ZNF521: variants seen among roughly 807,000 people sequenced by gnomAD.
ZNF521 encodes the protein LYST-interacting protein 3.
A neutral mutation model predicts 105.5 loss-of-function variants in ZNF521; 14 were observed. That is an observed-to-expected ratio of 0.13 (90% CI 0.09 to 0.21). The LOEUF (loss-of-function observed/expected upper bound fraction) is 0.21. ZNF521 is among the 10% of genes least tolerant of loss of function. The pLI, the probability that ZNF521 is intolerant of heterozygous loss-of-function variation, is 1.00. For synonymous variants in ZNF521, 635 were observed against 606.0 expected (o/e 1.05, Z -0.70); for missense variants, 1,233 against 1,629.7 (o/e 0.76, Z 4.19).
intron 5 of ZNF521, 108 bp downstream of exon 5, chr18:25,195,052 G>A (rs995376717): frequency 4.9e-5 from 45 of 909,276 alleles, no homozygotes; most frequent in Non-Finnish European, 7.1e-5. Context: ...TCATGCCGAG[G>A]AAAAACAATG....
chr18:25,292,369 A>C (rs997264401), intron 3 of ZNF521, among the ~76,000 whole-genome samples: 4 of 152,204 alleles, frequency 2.6e-5, no homozygotes, highest in African/African-American at 9.6e-5. Flanking sequence ...CTGCACTTAC[A>C]TTTCACATGA....
chr18:25,206,147 G>T (rs2036075778), intron 4 of ZNF521, among the ~76,000 whole-genome samples: 1 of 152,052 alleles, frequency 6.6e-6, no homozygotes, highest in Admixed American at 6.6e-5. Context: ...AAGACTACAG[G>T]CATGAGCTAC....
Position 25,062,509 on chromosome 18 carries a change from T to C in ZNF521, c.*203A>G, listed in dbSNP as rs1261060161. 6.4e-6 allele frequency: 4 copies of C among 623,254 alleles called. No individual in the cohort carries two copies. Among genetic ancestry groups the C allele is most frequent in the African/African-American group, 5.8e-5 (3 of 52,034 alleles). The allele number at this position is 623,254 out of a possible 1,614,324, so 38.6% of individuals were successfully genotyped here. On this transcript the variant is annotated 3_prime_UTR_variant, in exon 8 of 8. Coordinates refer to ENST00000361524, the MANE Select transcript of ZNF521 (RefSeq NM_015461.3). ...TTAGTATCAGACGACATAATACATG[T>C]GCAACACTTTATATACAAGGGGTCT...
chr18:25,146,944 G>C (rs532115131), intron 5 of ZNF521, among the ~76,000 whole-genome samples: 9 of 152,138 alleles, frequency 5.9e-5, no homozygotes, highest in South Asian at 2.1e-4. Context: ...AAACAAAACT[G>C]GATGCTCAAA....
At chr18:25,166,800 T>C (rs922758708) in intron 5 of ZNF521, among the ~76,000 whole-genome samples, 1 of 152,188 alleles carries the variant, frequency 6.6e-6, no homozygotes, top group Admixed American at 6.6e-5. Flanking sequence ...GCCACATATT[T>C]AAATATTGAT....
At chr18:25,087,497 T>C (rs540644337) in intron 7 of ZNF521, among the ~76,000 whole-genome samples, 1 of 152,308 alleles carries the variant, frequency 6.6e-6, no homozygotes, top group South Asian at 2.1e-4. Context: ...TCAAGAACAC[T>C]AGGTAGGAAT....
chr18:25,217,676 T>C (rs1393050004), intron 4 of ZNF521, among the ~76,000 whole-genome samples: 4 of 152,246 alleles, frequency 2.6e-5, no homozygotes, highest in Non-Finnish European at 4.4e-5. Flanking sequence ...GTGAGGCCTT[T>C]GCCTAATATG....
chr18:25,093,702 A>G (rs1600009134), intron 5 of ZNF521, among the ~76,000 whole-genome samples: 1 of 152,108 alleles, frequency 6.6e-6, no homozygotes, highest in Non-Finnish European at 1.5e-5. Context: ...ATAAAAACCT[A>G]CTCTGTATCT....
intron 5 of ZNF521, among the ~76,000 whole-genome samples, chr18:25,143,929 AT>A (rs1265291876): frequency 1.3e-5 from 2 of 152,228 alleles, no homozygotes; most frequent in Non-Finnish European, 2.9e-5. Context: ...AATTACAAGA[AT>A]GATGCTAACT....
At chr18:25,296,405 A>T (rs1911320664) in intron 3 of ZNF521, among the ~76,000 whole-genome samples, 1 of 152,186 alleles carries the variant, frequency 6.6e-6, no homozygotes, top group African/African-American at 2.4e-5. Context: ...TGCAAGTAGT[A>T]TATATACTAT....
intron 6 of ZNF521, 46 bp downstream of exon 6, chr18:25,091,904 T>C (rs972781966): frequency 2.5e-6 from 4 of 1,603,632 alleles, no homozygotes; most frequent in South Asian, 2.2e-5. Context: ...AAAGACATGA[T>C]GTGGCCATCA....
At chr18:25,222,718 T>C (rs1905813682) in intron 4 of ZNF521, among the ~76,000 whole-genome samples, 1 of 152,256 alleles carries the variant, frequency 6.6e-6, no homozygotes, top group Non-Finnish European at 1.5e-5. Context: ...AGAATTCTCA[T>C]TCAAAAACTT....
intron 3 of ZNF521, among the ~76,000 whole-genome samples, chr18:25,298,807 A>G (rs1036053695): frequency 1.3e-5 from 2 of 152,218 alleles, no homozygotes; most frequent in Non-Finnish European, 2.9e-5. Context: ...GAAGCAATTC[A>G]CAGGTAGTAA....
At chr18:25,329,607 G>A (rs779080246) in intron 2 of ZNF521, among the ~76,000 whole-genome samples, 5 of 152,206 alleles carry the variant, frequency 3.3e-5, no homozygotes, top group East Asian at 1.9e-4. Flanking sequence ...AAATGGGGGC[G>A]AGGGAGGGAT....
At chr18:25,258,219 A>G (rs1410059236) in intron 3 of ZNF521, among the ~76,000 whole-genome samples, 1 of 152,182 alleles carries the variant, frequency 6.6e-6, no homozygotes, top group Non-Finnish European at 1.5e-5. Context: ...TTTGTTTCAC[A>G]TTTAGTAGCT....
chr18:25,088,915 T>C (rs2033684731), intron 7 of ZNF521, among the ~76,000 whole-genome samples: 2 of 152,232 alleles, frequency 1.3e-5, no homozygotes, highest in Admixed American at 6.5e-5. Flanking sequence ...ATTAATCAAG[T>C]GGACCACTCA....
intron 3 of ZNF521, among the ~76,000 whole-genome samples, chr18:25,272,015 C>T (rs936948222): frequency 2.6e-5 from 4 of 152,164 alleles, no homozygotes; most frequent in African/African-American, 9.7e-5. Flanking sequence ...ATCTATCCAT[C>T]TGACAAAGTG....
At chr18:25,218,961 C>A (rs1905518184) in intron 4 of ZNF521, among the ~76,000 whole-genome samples, 1 of 152,120 alleles carries the variant, frequency 6.6e-6, no homozygotes, top group Non-Finnish European at 1.5e-5. Flanking sequence ...CAAGACCAAA[C>A]CCTCCTCTTC....
chr18:25,265,381 T>A (rs1221549975), intron 3 of ZNF521, among the ~76,000 whole-genome samples: 1 of 152,208 alleles, frequency 6.6e-6, no homozygotes, highest in Non-Finnish European at 1.5e-5. Context: ...TAAATGAAGT[T>A]ATCATAAACA....
Sources: gnomAD v4.1 joint callset for allele counts (sites outside exome capture counted in the v4.1 genomes callset) on GRCh38, gnomAD v4.1.1 for gene constraint, MANE v1.5 for transcripts, NCBI Gene and HGNC (gene_info 2026-07-23, HGNC 2026-07-21) for gene names.